Variants in GRID2 observed in about 807,000 individuals in gnomAD.
GRID2 encodes glutamate ionotropic receptor delta type subunit 2.
A neutral mutation model predicts 114.8 loss-of-function variants in GRID2; 33 were observed. The ratio of observed to expected loss-of-function variants is 0.29; its 90% confidence interval spans 0.22 to 0.38. The LOEUF (loss-of-function observed/expected upper bound fraction) is 0.38. GRID2 is among the 10% of genes least tolerant of loss of function. The probability of loss-of-function intolerance (pLI) is 1.00; values close to 1 mark genes in which losing one functional copy is unlikely to be tolerated. For missense variants in GRID2, 1,184 were observed against 1,257.7 expected, an observed-to-expected ratio of 0.94 and a Z score of 0.89; for synonymous variants, 505 against 449.9, an observed-to-expected ratio of 1.12 and a Z score of -1.55.
chr4:93,700,483 G>C (rs995086400), intron 14 of GRID2, among the ~76,000 whole-genome samples: 2 of 152,136 alleles, frequency 1.3e-5, no homozygotes, highest in Non-Finnish European at 2.9e-5. Flanking sequence ...GATGCAGCTA[G>C]AGTTGCAAAG....
At chr4:93,692,857 C>T (rs1726687502) in intron 14 of GRID2, among the ~76,000 whole-genome samples, 3 of 152,130 alleles carry the variant, frequency 2.0e-5, no homozygotes, top group Middle Eastern at 3.2e-3. Context: ...ATTCACTACA[C>T]GACAGTTTAA....
intron 1 of GRID2, among the ~76,000 whole-genome samples, chr4:93,793,385 A>G (rs551521324): frequency 3.9e-5 from 6 of 152,322 alleles, no homozygotes; most frequent in African/African-American, 1.2e-4. Context: ...GAACGTAGAA[A>G]CATTGATCTA....
chr4:93,327,291 G>T (rs184859358), intron 8 of GRID2, among the ~76,000 whole-genome samples: 81 of 152,174 alleles, frequency 5.3e-4, no homozygotes, highest in African/African-American at 2.0e-3. Context: ...GACATTAAAG[G>T]TCCAAAATAT....
intron 1 of GRID2, among the ~76,000 whole-genome samples, chr4:92,589,065 C>G (rs1196053956): frequency 6.6e-6 from 1 of 152,180 alleles, no homozygotes; most frequent in Non-Finnish European, 1.5e-5. Context: ...GAAATCACGC[C>G]ATTGCACTCT....
At chr4:93,222,114 G>A (rs1267298671) in intron 6 of GRID2, among the ~76,000 whole-genome samples, 2 of 152,040 alleles carry the variant, frequency 1.3e-5, no homozygotes, top group East Asian at 1.9e-4. Flanking sequence ...AAATATGTGC[G>A]AGGCTCTAGG....
chr4:92,420,385 T>G, intron 1 of GRID2, among the ~76,000 whole-genome samples: 1 of 152,264 alleles, frequency 6.6e-6, no homozygotes, highest in African/African-American at 2.4e-5. Flanking sequence ...TTGATTACAA[T>G]TTTATGATTA....
intron 1 of GRID2, among the ~76,000 whole-genome samples, chr4:92,446,212 G>A (rs1431110662): frequency 6.6e-6 from 1 of 152,164 alleles, no homozygotes; most frequent in Non-Finnish European, 1.5e-5. Flanking sequence ...TTCCCAAAGT[G>A]CTGGGATTAC....
intron 2 of GRID2, among the ~76,000 whole-genome samples, chr4:92,934,737 G>A (rs1222128603): frequency 1.4e-5 from 2 of 146,198 alleles, no homozygotes; most frequent in Non-Finnish European, 3.0e-5. Flanking sequence ...AACACTGCAT[G>A]TCTACAACTA....
intron 2 of GRID2, among the ~76,000 whole-genome samples, chr4:93,052,138 C>G (rs528866796): frequency 6.6e-6 from 1 of 151,900 alleles, no homozygotes; most frequent in South Asian, 2.1e-4. Flanking sequence ...TATCACAAGT[C>G]AATTTCTTTG....
chr4:93,076,060 C>T (rs1243781186), intron 2 of GRID2, among the ~76,000 whole-genome samples: 3 of 151,612 alleles, frequency 2.0e-5, no homozygotes, highest in Non-Finnish European at 4.4e-5. Context: ...CCCGCCACCA[C>T]GCCAGCTAAT....
chr4:93,440,677 G>A (rs1234214489), intron 10 of GRID2, among the ~76,000 whole-genome samples: 2 of 152,046 alleles, frequency 1.3e-5, no homozygotes, highest in Admixed American at 1.3e-4. Flanking sequence ...TGATAAGGAA[G>A]GATTTTAACA....
At position 92,984,165 on chromosome 4, in the gene GRID2, A is replaced by G. The variant is rs141062279; in HGVS notation, c.245-100830A>G. On this transcript the variant is annotated intron_variant, in intron 2 of 15. Coordinates refer to ENST00000282020, the MANE Select transcript of GRID2 (RefSeq NM_001510.4). ...GCCAGTTTACATGATATATAAAAAC[A>G]TTGTCATCCTTCTATTTTTCTCATA... 4.2e-3 allele frequency among the ~76,000 whole-genome samples: 642 copies of G among 152,320 alleles called. 8 individuals are homozygous for G. Among genetic ancestry groups the G allele is most frequent in the African/African-American group, 0.015 (606 of 41,586 alleles).
intron 2 of GRID2, among the ~76,000 whole-genome samples, chr4:92,774,372 T>G (rs1331907483): frequency 6.6e-6 from 1 of 152,128 alleles, no homozygotes; most frequent in Non-Finnish European, 1.5e-5. Flanking sequence ...CTGAAACTTT[T>G]GAAGAAATGC....
intron 4 of GRID2, among the ~76,000 whole-genome samples, chr4:93,121,190 C>A (rs1242263337): frequency 6.6e-6 from 1 of 152,022 alleles, no homozygotes; most frequent in Non-Finnish European, 1.5e-5. Context: ...AGACATTATA[C>A]AATGCACAAT....
intron 11 of GRID2, among the ~76,000 whole-genome samples, chr4:93,470,114 T>C (rs1724659668): frequency 6.6e-6 from 1 of 152,106 alleles, no homozygotes; most frequent in Non-Finnish European, 1.5e-5. Context: ...GAATAATTCA[T>C]TAAAAAGGAT....
At chr4:92,683,634 A>G (rs1328182743) in intron 2 of GRID2, among the ~76,000 whole-genome samples, 1 of 151,918 alleles carries the variant, frequency 6.6e-6, no homozygotes, top group Non-Finnish European at 1.5e-5. Flanking sequence ...TTCATTATAT[A>G]GTTATCTTTA....
chr4:93,637,519 G>T (rs113623911), intron 14 of GRID2, among the ~76,000 whole-genome samples: 1 of 152,098 alleles, frequency 6.6e-6, no homozygotes, highest in Non-Finnish European at 1.5e-5. Context: ...CATGACTGCC[G>T]ACATGGCTGT....
intron 1 of GRID2, among the ~76,000 whole-genome samples, chr4:92,309,416 G>A (rs1477789891): frequency 6.6e-6 from 1 of 151,748 alleles, no homozygotes; most frequent in Non-Finnish European, 1.5e-5. Flanking sequence ...TTGGTGAGTA[G>A]CAATACTTAG....
intron 2 of GRID2, among the ~76,000 whole-genome samples, chr4:92,931,520 G>T (rs1389824943): frequency 6.6e-6 from 1 of 150,426 alleles, no homozygotes; most frequent in African/African-American, 2.4e-5. Flanking sequence ...ATAAATATTG[G>T]GATACATGAA....
Sources: allele counts gnomAD v4.1 joint callset (sites outside exome capture counted in the v4.1 genomes callset), GRCh38; gene constraint gnomAD v4.1.1; transcripts MANE v1.5; gene names NCBI Gene and HGNC (gene_info 2026-07-23, HGNC 2026-07-21).